TXNRD3: variants seen among roughly 807,000 people sequenced by gnomAD.
TXNRD3 encodes the protein TXNRD3 neighbor gene protein.
In TXNRD3, 68 loss-of-function variants were observed where a neutral mutation model predicts 78.2. The ratio of observed to expected loss-of-function variants is 0.87; its 90% CI spans 0.72 to 1.06. TXNRD3 has a LOEUF of 1.06. Ranked by LOEUF, TXNRD3 falls within the 50% of genes least tolerant of loss-of-function variation. TXNRD3 has a pLI of 0.00. For missense variants in TXNRD3, 751 were observed against 809.5 expected (o/e 0.93, Z 0.88); for synonymous variants, 296 against 300.1 (o/e 0.99, Z 0.14).
intron 14 of TXNRD3, chr3:126,609,098 T>G: frequency 2.5e-6 from 1 of 407,074 alleles, no homozygotes; most frequent in Non-Finnish European, 5.0e-6. Flanking sequence ...CACCCAGGGC[T>G]GTGTGCTGAG....
In TXNRD3 at chr3:126,607,801, G is replaced by T; in HGVS notation, c.*104C>A. The T allele has an allele frequency of 1.1e-6, 1 of 917,180 alleles. No homozygotes were observed. Among genetic ancestry groups the T allele is most frequent in the Non-Finnish European group, 1.6e-6 (1 of 633,104 alleles). 56.8% of individuals were successfully genotyped at this position (917,180 alleles called of 1,614,324 possible). ...GTAAGACAGCCCTGCACTGGTCCCT[G>T]AGTAACAGAGCAGCTGTCATGAGCA... is the stretch of plus-strand genomic sequence containing the variant. On this transcript the variant is annotated 3_prime_UTR_variant, in exon 16 of 16. Coordinates refer to ENST00000524230, the MANE Select transcript of TXNRD3 (RefSeq NM_052883.3).
chr3:126,617,683 C>A (rs1265937338), intron 12 of TXNRD3, among the ~76,000 whole-genome samples: 12 of 152,236 alleles, frequency 7.9e-5, no homozygotes, highest in Admixed American at 7.9e-4. Flanking sequence ...AGGATGCCCA[C>A]TGGCACCAGT....
At chr3:126,620,537 A>C (rs1171704893) in intron 12 of TXNRD3, among the ~76,000 whole-genome samples, 5 of 152,200 alleles carry the variant, frequency 3.3e-5, no homozygotes, top group African/African-American at 9.7e-5. Flanking sequence ...TATGAACTAC[A>C]CATACACATA....
At chr3:126,638,960 AAC>A (rs1284039924) in intron 6 of TXNRD3, among the ~76,000 whole-genome samples, 1 of 152,168 alleles carries the variant, frequency 6.6e-6, no homozygotes, top group Non-Finnish European at 1.5e-5. Flanking sequence ...AGACAGAAGT[AAC>A]ACACAGAAAG....
chr3:126,630,429 G>A (rs1320459048), intron 9 of TXNRD3, among the ~76,000 whole-genome samples: 2 of 152,152 alleles, frequency 1.3e-5, no homozygotes, highest in Non-Finnish European at 2.9e-5. Context: ...GAGAGACAGT[G>A]ATAAGAATAA....
chr3:126,616,016 C>T (rs1490495321), intron 12 of TXNRD3, among the ~76,000 whole-genome samples: 1 of 152,026 alleles, frequency 6.6e-6, no homozygotes, highest in Non-Finnish European at 1.5e-5. Context: ...GCTAATACAC[C>T]GCAGGGACAA....
intron 12 of TXNRD3, among the ~76,000 whole-genome samples, chr3:126,621,305 C>A (rs1394530940): frequency 6.6e-6 from 1 of 152,220 alleles, no homozygotes; most frequent in African/African-American, 2.4e-5. Flanking sequence ...GAAGCCAGGA[C>A]CAGAATCCTG....
chr3:126,617,498 C>T (rs955568050), intron 12 of TXNRD3, among the ~76,000 whole-genome samples: 8 of 152,174 alleles, frequency 5.3e-5, no homozygotes, highest in African/African-American at 1.7e-4. Context: ...TGGCAGGTAC[C>T]TGGGGGATGA....
chr3:126,646,684 A>T (rs1576297058), intron 2 of TXNRD3, among the ~76,000 whole-genome samples: 1 of 152,336 alleles, frequency 6.6e-6, no homozygotes, highest in Admixed American at 6.5e-5. Flanking sequence ...AGTCTCCAAG[A>T]TTCAAGAGCA....
intron 13 of TXNRD3, among the ~76,000 whole-genome samples, chr3:126,613,352 C>A (rs1449955155): frequency 6.6e-6 from 1 of 152,178 alleles, no homozygotes; most frequent in East Asian, 1.9e-4. Context: ...CCTTCTTGCC[C>A]TCCTCCATCC....
intron 12 of TXNRD3, among the ~76,000 whole-genome samples, chr3:126,615,832 T>A (rs1938306946): frequency 6.6e-6 from 1 of 152,214 alleles, no homozygotes; most frequent in Non-Finnish European, 1.5e-5. Context: ...GAGCACTTCT[T>A]CCAGGCAACC....
At chr3:126,623,431 T>C (rs908399848) in intron 10 of TXNRD3, among the ~76,000 whole-genome samples, 1 of 152,200 alleles carries the variant, frequency 6.6e-6, no homozygotes, top group Non-Finnish European at 1.5e-5. Flanking sequence ...CTCATGAATA[T>C]AGATGTAAAA....
intron 1 of TXNRD3, 59 bp from the exon 2 acceptor site, chr3:126,647,355 T>C (rs1212130048): frequency 2.5e-6 from 3 of 1,194,056 alleles, no homozygotes; most frequent in East Asian, 2.5e-5. Context: ...CTATGAAATA[T>C]GAACATAGTA....
chr3:126,629,528 C>T (rs369314309), intron 9 of TXNRD3, 57 bp from the exon 10 acceptor site: 56 of 1,333,698 alleles, frequency 4.2e-5, no homozygotes, highest in South Asian at 2.6e-4. Flanking sequence ...AAGAAATACA[C>T]GAAAGGGTCT....
At chr3:126,649,843 A>G (rs1268778616) in intron 1 of TXNRD3, among the ~76,000 whole-genome samples, 1 of 152,198 alleles carries the variant, frequency 6.6e-6, no homozygotes, top group Non-Finnish European at 1.5e-5. Flanking sequence ...GGGCTGGGAG[A>G]AGGAGGAAAA....
At position 126,631,980 on chromosome 3, in the gene TXNRD3, C is replaced by G. The variant is rs541769387; in HGVS notation, c.856-101G>C. The stretch of plus-strand genomic sequence containing the variant: ...CCTCATGGAGCTTCTCATTCAACAG[C>G]AACAGCAGACATGTGAAAAAGTAAT... On this transcript the variant is annotated intron_variant, in intron 7 of 15. Transcript: ENST00000524230. 653 of 699,156 alleles carry G rather than the reference C, an allele frequency of 9.3e-4. 3 individuals are homozygous for G. Among genetic ancestry groups the G allele is most frequent in the South Asian group, 4.1e-3 (247 of 59,994 alleles). 43.3% of individuals were successfully genotyped at this position (699,156 alleles called of 1,614,324 possible). A position where few individuals can be genotyped will look rare whatever the true frequency, so the allele number is the denominator to read the frequency against.
chr3:126,651,389 A>G (rs1201938752), intron 1 of TXNRD3, among the ~76,000 whole-genome samples: 1 of 152,258 alleles, frequency 6.6e-6, no homozygotes, highest in African/African-American at 2.4e-5. Flanking sequence ...AAAAATTCCA[A>G]TAATCAGAGT....
chr3:126,629,392 CCTT>C lies in TXNRD3; in HGVS notation c.1274_1276del (p.Glu425del). On this transcript the variant is annotated inframe_deletion, in exon 10 of 16. Coordinates refer to ENST00000524230, the MANE Select transcript of TXNRD3 (RefSeq NM_052883.3). ...ATAAAAACTCACTGTGTTATAGACT[CCTT>C]CAATTGTTTCTGTTCCTTCAGTGGA... 6.5e-7 allele frequency: 1 copy of C among 1,535,032 alleles called. No homozygotes were observed. Among genetic ancestry groups the C allele is most frequent in the South Asian group, 1.2e-5 (1 of 83,992 alleles).
chr3:126,634,419 G>A (rs1325518736), intron 6 of TXNRD3, among the ~76,000 whole-genome samples: 1 of 152,180 alleles, frequency 6.6e-6, no homozygotes, highest in Non-Finnish European at 1.5e-5. Flanking sequence ...GCTCTTGGAT[G>A]GGAAGAAGGC....
Sources: gnomAD v4.1 joint callset for allele counts (sites outside exome capture counted in the v4.1 genomes callset) on GRCh38, gnomAD v4.1.1 for gene constraint, MANE v1.5 for transcripts, NCBI Gene and HGNC (gene_info 2026-07-23, HGNC 2026-07-21) for gene names.